Variants in GATAD2B observed in about 807,000 individuals in gnomAD.
GATAD2B encodes transcriptional repressor p66-beta.
GATAD2B carries 8 observed loss-of-function variants against 64.3 expected under a neutral mutation model. That is an observed-to-expected ratio of 0.12 (90% CI 0.07 to 0.22). The LOEUF (loss-of-function observed/expected upper bound fraction) is 0.22. Ranked by LOEUF, GATAD2B falls within the 10% of genes least tolerant of loss-of-function variation. The probability of loss-of-function intolerance (pLI) is 1.00; values close to 1 mark genes in which losing one functional copy is unlikely to be tolerated. For missense variants in GATAD2B, 453 were observed against 752.0 expected, an observed-to-expected ratio of 0.60 and a Z score of 4.65; for synonymous variants, 281 against 271.3, an observed-to-expected ratio of 1.04 and a Z score of -0.35.
Position 153,830,656 on chromosome 1 carries a change from TA to T in GATAD2B, c.-1-2309del, listed in dbSNP as rs1477442040. ...ACGCCCGGCTAATTTTTTGTATTTT[TA>T]GTAGAGACGGGGTTTCACTGTTTTA... On this transcript the variant is annotated intron_variant, in intron 1 of 10. Transcript: ENST00000368655. Among the ~76,000 whole-genome samples the T allele has an allele frequency of 2.0e-5, 3 of 150,358 alleles. No homozygotes were observed. In the Admixed American group the frequency reaches 2.0e-4, roughly 10 times the overall value.
At chr1:153,914,321 A>G (rs1248058704) in intron 1 of GATAD2B, among the ~76,000 whole-genome samples, 1 of 151,824 alleles carries the variant, frequency 6.6e-6, no homozygotes, top group Non-Finnish European at 1.5e-5. Context: ...TTTACAGTTT[A>G]TAAAGTAACC....
At chr1:153,815,699 G>A (rs1359255112) in intron 7 of GATAD2B, among the ~76,000 whole-genome samples, 1 of 152,086 alleles carries the variant, frequency 6.6e-6, no homozygotes, top group East Asian at 1.9e-4. Context: ...AGATAGAATA[G>A]AATAGATAGA....
In GATAD2B at chr1:153,808,550, C is replaced by T. The variant is rs1282847394; in HGVS notation, c.*1627G>A. The stretch of plus-strand genomic sequence containing the variant: ...TGACTTTCAAGGGCAAAATATTAAA[C>T]TTCTCCTCATTCTTCTCTGCTGAGA... On this transcript the variant is annotated 3_prime_UTR_variant, in exon 11 of 11. Coordinates refer to ENST00000368655, the MANE Select transcript of GATAD2B (RefSeq NM_020699.4). The T allele has an allele frequency of 6.6e-6, 1 of 152,608 alleles. No homozygotes were observed. Among genetic ancestry groups the T allele is most frequent in the Non-Finnish European group, 1.5e-5 (1 of 68,038 alleles). 9.5% of individuals were successfully genotyped at this position (152,608 alleles called of 1,614,324 possible). A position where few individuals can be genotyped will look rare whatever the true frequency, so the allele number is the denominator to read the frequency against.
chr1:153,820,098 CAAAAAA>C (rs201426841), intron 2 of GATAD2B, among the ~76,000 whole-genome samples: 3 of 63,152 alleles, frequency 4.8e-5, no homozygotes, highest in African/African-American at 2.1e-4. Flanking sequence ...GTTCCCGTCT[CAAAAAA>C]AAAAAAAAAA....
chr1:153,811,549 C>A, intron 10 of GATAD2B, 182 bp downstream of exon 10: 1 of 678,988 alleles, frequency 1.5e-6, no homozygotes, highest in Admixed American at 2.6e-5. Context: ...AACCCTAGTG[C>A]ATTGTGGGTG....
intron 1 of GATAD2B, among the ~76,000 whole-genome samples, chr1:153,900,747 T>G (rs1322756748): frequency 6.6e-6 from 1 of 152,160 alleles, no homozygotes; most frequent in Non-Finnish European, 1.5e-5. Context: ...ACATCTTTGT[T>G]GTGACTAGTA....
At chr1:153,907,105 G>C (rs998974131) in intron 1 of GATAD2B, among the ~76,000 whole-genome samples, 39 of 152,104 alleles carry the variant, frequency 2.6e-4, no homozygotes, top group African/African-American at 9.2e-4. Context: ...CTCAAAAACC[G>C]AATTATCATG....
At chr1:153,819,136 G>A (rs1000411860) in intron 3 of GATAD2B, among the ~76,000 whole-genome samples, 1 of 152,190 alleles carries the variant, frequency 6.6e-6, no homozygotes, top group Non-Finnish European at 1.5e-5. Context: ...GACAGACCAC[G>A]TATAAATGCT....
intron 1 of GATAD2B, among the ~76,000 whole-genome samples, chr1:153,841,939 T>C (rs1344639123): frequency 2.0e-5 from 3 of 152,192 alleles, no homozygotes; most frequent in Non-Finnish European, 2.9e-5. Context: ...TTTCACACCC[T>C]CACCAGCATT....
At chr1:153,835,584 TTGC>T (rs1675234154) in intron 1 of GATAD2B, among the ~76,000 whole-genome samples, 1 of 152,198 alleles carries the variant, frequency 6.6e-6, no homozygotes, top group African/African-American at 2.4e-5. Flanking sequence ...AGATAATGAC[TTGC>T]TGAAGGCTCA....
rs146370320 is a variant in GATAD2B, at chr1:153,903,801, T to C, written c.-2+18932A>G. Among the ~76,000 whole-genome samples, 618 of 151,778 alleles carry C rather than the reference T, an allele frequency of 4.1e-3. 5 individuals carry two copies. The highest frequency in any genetic ancestry group is 0.014 in the African/African-American group (579 of 41,356). On this transcript the variant is annotated intron_variant, in intron 1 of 10. Coordinates refer to ENST00000368655, the MANE Select transcript of GATAD2B (RefSeq NM_020699.4). ...GAGTTGAAAATCAGCATGGGCAATATGGCAAATCCCCTCTCTACAAAAAAT... is the reference window on the plus strand; with the variant it reads ...GAGTTGAAAATCAGCATGGGCAATACGGCAAATCCCCTCTCTACAAAAAAT...
chr1:153,852,733 G>T lies in GATAD2B; in HGVS notation c.-1-24385C>A. 10 of 913,528 alleles carry T rather than the reference G, an allele frequency of 1.1e-5. No homozygotes were observed. In the South Asian group the frequency reaches 1.3e-4, roughly 12 times the overall value. The allele number at this position is 913,528 out of a possible 1,614,324, so 56.6% of individuals were successfully genotyped here. A position where few individuals can be genotyped will look rare whatever the true frequency, so the allele number is the denominator to read the frequency against. ...TGCTCATACGAAGTGAAGCTTGGTAGACAGGGAGTGAAGCTTGGTAGACAG... is the reference window on the plus strand; with the variant it reads ...TGCTCATACGAAGTGAAGCTTGGTATACAGGGAGTGAAGCTTGGTAGACAG... On this transcript the variant is annotated intron_variant, in intron 1 of 10. Coordinates refer to ENST00000368655, the MANE Select transcript of GATAD2B (RefSeq NM_020699.4).
In GATAD2B at chr1:153,857,150, ATATATAT is replaced by A. The variant is rs200017808; in HGVS notation, c.-1-28809_-1-28803del. ...CATATGCATATGCATATATATATAT[ATATATAT>A]AAATTGGCCGGGCGCAGTGGCTCAC... On this transcript the variant is annotated intron_variant, in intron 1 of 10. Coordinates refer to ENST00000368655, the MANE Select transcript of GATAD2B (RefSeq NM_020699.4). 8.6e-3 allele frequency among the ~76,000 whole-genome samples: 1,297 copies of A among 151,534 alleles called. 14 individuals carry two copies. The highest frequency in any genetic ancestry group is 0.03 in the African/African-American group (1,249 of 41,366).
intron 1 of GATAD2B, among the ~76,000 whole-genome samples, chr1:153,859,959 C>A (rs572521787): frequency 7.8e-6 from 1 of 127,538 alleles, no homozygotes; most frequent in East Asian, 2.3e-4. Flanking sequence ...GCTCTGTTGC[C>A]CAGACTGGAG....
At chr1:153,810,920 C>T (rs537600445) in intron 10 of GATAD2B, among the ~76,000 whole-genome samples, 2 of 152,028 alleles carry the variant, frequency 1.3e-5, no homozygotes, top group Admixed American at 6.6e-5. Flanking sequence ...CCAGCCACCA[C>T]GCCGGGCTAA....
intron 1 of GATAD2B, among the ~76,000 whole-genome samples, chr1:153,921,051 G>A (rs747867139): frequency 1.3e-5 from 2 of 152,132 alleles, no homozygotes; most frequent in African/African-American, 2.4e-5. Flanking sequence ...ACCTCCAGAA[G>A]TGGCCTCCTT....
intron 1 of GATAD2B, among the ~76,000 whole-genome samples, chr1:153,877,887 TAAAA>T (rs36032008): frequency 9.0e-6 from 1 of 110,866 alleles, no homozygotes; most frequent in Non-Finnish European, 2.0e-5. Flanking sequence ...CAAAAAAACT[TAAAA>T]AAAAAAAAAA....
At chr1:153,880,600 T>C (rs1475190696) in intron 1 of GATAD2B, among the ~76,000 whole-genome samples, 2 of 152,090 alleles carry the variant, frequency 1.3e-5, no homozygotes, top group Non-Finnish European at 2.9e-5. Context: ...ATCATTCTTT[T>C]CTCAAGCACA....
At chr1:153,862,312 G>A (rs1043440563) in intron 1 of GATAD2B, among the ~76,000 whole-genome samples, 5 of 151,376 alleles carry the variant, frequency 3.3e-5, no homozygotes, top group Admixed American at 1.3e-4. Context: ...TAGTAGAGAC[G>A]GGGTTTCACC....
Sources: allele counts gnomAD v4.1 joint callset (sites outside exome capture counted in the v4.1 genomes callset), GRCh38; gene constraint gnomAD v4.1.1; transcripts MANE v1.5; gene names NCBI Gene and HGNC (gene_info 2026-07-23, HGNC 2026-07-21).